UBE3B: variants seen among roughly 807,000 people sequenced by gnomAD.
The protein encoded by UBE3B is ubiquitin-protein ligase E3B.
A neutral mutation model predicts 132.3 loss-of-function variants in UBE3B; 80 were observed. That is an observed-to-expected ratio of 0.60 (90% CI 0.50 to 0.73). The LOEUF (loss-of-function observed/expected upper bound fraction) is 0.73, where lower values mean the gene tolerates loss of function less well. Ranked by LOEUF, UBE3B falls within the 30% of genes least tolerant of loss-of-function variation. The pLI, the probability that UBE3B is intolerant of heterozygous loss-of-function variation, is 0.00. For synonymous variants in UBE3B, 487 were observed against 520.4 expected (o/e 0.94, Z 0.87); for missense variants, 1,196 against 1,362.5 (o/e 0.88, Z 1.92).
chr12:109,482,627 T>C (rs1222983729), intron 2 of UBE3B, among the ~76,000 whole-genome samples: 1 of 152,254 alleles, frequency 6.6e-6, no homozygotes, highest in African/African-American at 2.4e-5. Context: ...GTGCATTTTG[T>C]ATAGAATGGC....
In UBE3B at chr12:109,526,366, C is replaced by T. The variant is rs778292141; in HGVS notation, c.2577C>T (p.Cys859=). 9 of 1,613,968 alleles carry T rather than the reference C, an allele frequency of 5.6e-6. No homozygotes were observed. The African/African-American group carries it at 8.0e-5, about 14-fold the overall frequency. The change falls in exon 24 of 28, where the codon TGC becomes TGT. Residue 859 remains cysteine, a synonymous_variant. Coordinates refer to ENST00000342494, the MANE Select transcript of UBE3B (RefSeq NM_130466.4). Reference sequence around the variant, plus strand: ...CCCATCTTCTCCCCCAGCTTGTTTGCCATGAACTGATTCCTGGAGGGAAGA... The same window carrying T: ...CCCATCTTCTCCCCCAGCTTGTTTGTCATGAACTGATTCCTGGAGGGAAGA... ...YDEDVMGQLV[C]HELIPGGKTI...
chr12:109,494,830 G>A (rs1051083118), intron 9 of UBE3B, among the ~76,000 whole-genome samples: 5 of 152,100 alleles, frequency 3.3e-5, no homozygotes, highest in Admixed American at 6.6e-5. Flanking sequence ...CTGATACGTC[G>A]CTCCCAGTCA....
In UBE3B at chr12:109,521,110, T is replaced by C. The variant is rs1881656303; in HGVS notation, c.2077-38T>C. 1 of 1,609,410 alleles carries C rather than the reference T, an allele frequency of 6.2e-7. No individual in the cohort carries two copies. Among genetic ancestry groups the C allele is most frequent in the Non-Finnish European group, 8.5e-7 (1 of 1,176,616 alleles). ...AACCCCGAATTGTGTGCATAAGGCTTTGGGCTTCCTAATGGGCTGTAATTC... is the reference window on the plus strand; with the variant it reads ...AACCCCGAATTGTGTGCATAAGGCTCTGGGCTTCCTAATGGGCTGTAATTC... On this transcript the variant is annotated intron_variant, in intron 19 of 27. Transcript: ENST00000342494. The surrounding 1 kb of genome is among the most constrained non-coding windows in gnomAD (Gnocchi z 4.2).
downstream of UBE3B, among the ~76,000 whole-genome samples, chr12:109,539,391 C>T (rs992176584): frequency 1.3e-5 from 2 of 152,228 alleles, no homozygotes; most frequent in Non-Finnish European, 2.9e-5. Context: ...TGCTCCAGAG[C>T]CCCAGCTGAG....
intron 8 of UBE3B, chr12:109,490,286 C>A: frequency 8.5e-7 from 1 of 1,175,338 alleles, no homozygotes; most frequent in Non-Finnish European, 1.2e-6. Flanking sequence ...GACCTCAGGG[C>A]TTGTTCCCTC....
intron 5 of UBE3B, 71 bp from the exon 6 acceptor site, chr12:109,486,400 T>G: frequency 7.8e-7 from 1 of 1,283,478 alleles, no homozygotes; most frequent in Non-Finnish European, 1.1e-6. Flanking sequence ...TAGGTCCAGT[T>G]CCAACAGTTA....
At chr12:109,482,702 C>CT (rs35754246) in intron 2 of UBE3B, among the ~76,000 whole-genome samples, 25,728 of 152,160 alleles carry the variant, frequency 0.17, 2,234 homozygotes, top group African/African-American at 0.18. Flanking sequence ...GTGCTGTGTG[C>CT]TTTAGGCTGC....
downstream of UBE3B, among the ~76,000 whole-genome samples, chr12:109,538,593 C>T (rs1180297456): frequency 6.6e-6 from 1 of 152,230 alleles, no homozygotes; most frequent in Non-Finnish European, 1.5e-5. The surrounding 1 kb of genome is among the most constrained non-coding windows in gnomAD (Gnocchi z 4.1). Context: ...TAGTCCTCTT[C>T]CTACATTTCC....
chr12:109,525,605 A>AT (rs1391809669), intron 23 of UBE3B, among the ~76,000 whole-genome samples: 1 of 152,334 alleles, frequency 6.6e-6, no homozygotes, highest in South Asian at 2.1e-4. Context: ...ATGTCCTTTG[A>AT]TTTTTAGGTG....
chr12:109,528,417 GTT>G, intron 24 of UBE3B: 2 of 984,738 alleles, frequency 2.0e-6, no homozygotes, highest in Non-Finnish European at 2.4e-6. Context: ...TAATATACAG[GTT>G]TGCTGCTGGA....
At chr12:109,498,160 A>C in intron 10 of UBE3B, 73 bp from the exon 11 acceptor site, 1 of 1,582,728 alleles carries the variant, frequency 6.3e-7, no homozygotes. Context: ...GTGATCTGCA[A>C]GTGATCAAGT....
intron 24 of UBE3B, 63 bp downstream of exon 24, chr12:109,526,479 G>A (rs371984949): frequency 4.9e-5 from 73 of 1,500,242 alleles, no homozygotes; most frequent in East Asian, 6.8e-5. Flanking sequence ...GGCTCTCTGC[G>A]CTTATGTTGA....
Position 109,524,102 on chromosome 12 carries a change from T to G in UBE3B, c.2489T>G (p.Leu830Arg). 6.2e-7 allele frequency: 1 copy of G among 1,614,138 alleles called. No individual in the cohort carries two copies. ...PSLDSEFYKN[L>R]TSIKRYDGDI... ...CTGGACTCCGAGTTCTATAAAAACC[T>G]CACCTCCATCAAGGTGAGCATGGAA... Residue 830 changes from leucine (L) to arginine (R), a missense_variant, in exon 22 of 28, where the codon CTC becomes CGC. Coordinates refer to ENST00000342494, the MANE Select transcript of UBE3B (RefSeq NM_130466.4).
At chr12:109,527,048 A>C (rs966920673) in intron 24 of UBE3B, among the ~76,000 whole-genome samples, 1 of 152,084 alleles carries the variant, frequency 6.6e-6, no homozygotes, top group Non-Finnish European at 1.5e-5. Flanking sequence ...GAGGGCACAG[A>C]GGTGGAAAGA....
In UBE3B at chr12:109,490,838, GA is replaced by G; in HGVS notation, c.631-206del. The G allele has an allele frequency of 3.4e-6, 4 of 1,169,388 alleles. No homozygotes were observed. The South Asian group carries it at 7.9e-5, about 23-fold the overall frequency. 72.4% of individuals were successfully genotyped at this position (1,169,388 alleles called of 1,614,324 possible). On this transcript the variant is annotated intron_variant, in intron 8 of 27. Coordinates refer to ENST00000342494, the MANE Select transcript of UBE3B (RefSeq NM_130466.4). Reference sequence around the variant, plus strand: ...TTTTGTTTTTTTGTTTTTTTTTTAAGAGACAGGGTTGCCCTGTCACCCAGGC... The same window carrying G: ...TTTTGTTTTTTTGTTTTTTTTTTAAGGACAGGGTTGCCCTGTCACCCAGGC...
chr12:109,514,953 G>T (rs1487044604), intron 18 of UBE3B, among the ~76,000 whole-genome samples: 1 of 148,374 alleles, frequency 6.7e-6, no homozygotes, highest in African/African-American at 2.5e-5. Context: ...TCGCTCTGTC[G>T]CCCAGGCTGG....
At chr12:109,514,829 T>C (rs1880806152) in intron 18 of UBE3B, among the ~76,000 whole-genome samples, 1 of 152,082 alleles carries the variant, frequency 6.6e-6, no homozygotes, top group South Asian at 2.1e-4. Flanking sequence ...ACGTCAGTCC[T>C]GTCACGTCTA....
the UBE3B span, among the ~76,000 whole-genome samples, chr12:109,545,380 G>A: frequency 6.6e-6 from 1 of 152,214 alleles, no homozygotes; most frequent in African/African-American, 2.4e-5. Context: ...CGGTGGACGT[G>A]ATCCCTGCCC....
chr12:109,526,211 C>T (rs993139394), intron 23 of UBE3B, 147 bp from the exon 24 acceptor site: 22 of 807,240 alleles, frequency 2.7e-5, no homozygotes, highest in Non-Finnish European at 4.2e-5. Flanking sequence ...TCAGCCTTGA[C>T]TTTTTATGAG....
Sources: allele counts gnomAD v4.1 joint callset (sites outside exome capture counted in the v4.1 genomes callset), GRCh38; gene constraint gnomAD v4.1.1; non-coding constraint Gnocchi (gnomAD v3.1); transcripts MANE v1.5; gene names NCBI Gene and HGNC (gene_info 2026-07-23, HGNC 2026-07-21).